Variants in ANK3 observed in about 807,000 individuals in gnomAD.
The protein encoded by ANK3 is ankyrin 3.
A neutral mutation model predicts 370.9 loss-of-function variants in ANK3; 57 were observed. The observed-to-expected ratio is 0.15, with a 90% CI of 0.12 to 0.19. The LOEUF (loss-of-function observed/expected upper bound fraction) is 0.19. Ranked by LOEUF, ANK3 falls within the 10% of genes least tolerant of loss-of-function variation. The pLI is 1.00. For missense variants in ANK3, 4,439 were observed against 5,302.1 expected, an observed-to-expected ratio of 0.84 and a Z score of 5.06; for synonymous variants, 1,929 against 1,946.3, an observed-to-expected ratio of 0.99 and a Z score of 0.23.
chr10:60,362,607 G>A (rs1036629693), intron 1 of ANK3, among the ~76,000 whole-genome samples: 1 of 152,162 alleles, frequency 6.6e-6, no homozygotes, highest in Admixed American at 6.5e-5. Flanking sequence ...CAGGGCTGTG[G>A]TTTTGCATTT....
chr10:60,169,630 G>C lies in ANK3; in HGVS notation c.2478+2678C>G, dbSNP rs529993609. 3.9e-5 allele frequency among the ~76,000 whole-genome samples: 6 copies of C among 152,040 alleles called. No homozygotes were observed. The East Asian group carries it at 7.7e-4, about 20-fold the overall frequency. The stretch of plus-strand genomic sequence containing the variant: ...TGTTCAGCCCACATGTAAGCAGTGG[G>C]GAATTATGTTCCACTTCGAGAGTGA... On this transcript the variant is annotated intron_variant, in intron 21 of 43. Transcript: ENST00000280772.
intron 2 of ANK3, among the ~76,000 whole-genome samples, chr10:60,439,845 A>T (rs1463132919): frequency 6.6e-6 from 1 of 152,172 alleles, no homozygotes; most frequent in Non-Finnish European, 1.5e-5. Context: ...CATGACTGTA[A>T]TTTTTTCCTA....
upstream of ANK3, among the ~76,000 whole-genome samples, chr10:60,390,728 G>GAA (rs1335912518): frequency 5.7e-3 from 414 of 72,934 alleles, 1 homozygote; most frequent in South Asian, 0.031. Context: ...GTAAAAAAAA[G>GAA]AACACACACA....
At chr10:60,042,582 G>A in intron 43 of ANK3, 90 bp downstream of exon 43, 2 of 1,281,736 alleles carry the variant, frequency 1.6e-6, no homozygotes, top group African/African-American at 1.5e-5. Flanking sequence ...AAAAGGAAAG[G>A]ACGGGGAAAA....
At chr10:60,317,991 A>C (rs2047827124) in intron 1 of ANK3, among the ~76,000 whole-genome samples, 1 of 150,228 alleles carries the variant, frequency 6.7e-6, no homozygotes, top group Non-Finnish European at 1.5e-5. Flanking sequence ...GAATTTTGAC[A>C]TATTCATAAG....
intron 2 of ANK3, among the ~76,000 whole-genome samples, chr10:60,496,169 G>A (rs1350045792): frequency 3.3e-5 from 5 of 152,198 alleles, no homozygotes; most frequent in Middle Eastern, 3.4e-3. Flanking sequence ...TACTACCAAG[G>A]TTCAACATGG....
At position 60,176,399 on chromosome 10, in the gene ANK3, C is replaced by A. The variant is rs537614226; in HGVS notation, c.2185-3213G>T. Among the ~76,000 whole-genome samples, 77 of 148,712 alleles carry A rather than the reference C, an allele frequency of 5.2e-4. No individual in the cohort carries two copies. In the East Asian group the frequency reaches 7.1e-3, roughly 14 times the overall value. On this transcript the variant is annotated intron_variant, in intron 18 of 43. Coordinates refer to ENST00000280772, the MANE Select transcript of ANK3 (RefSeq NM_020987.5). ...AAAAAAAAAAAGAAAGAAAAAAAAA[C>A]CAGAAAGAAAAAGAAATTGTCATTT...
At chr10:60,602,186 G>T (rs1215042502) in intron 2 of ANK3, among the ~76,000 whole-genome samples, 1 of 152,068 alleles carries the variant, frequency 6.6e-6, no homozygotes, top group Non-Finnish European at 1.5e-5. Context: ...TATTATTTAT[G>T]CAGAAGACTT....
At chr10:60,264,211 A>T (rs907199157) in intron 5 of ANK3, among the ~76,000 whole-genome samples, 191 bp from the exon 6 acceptor site, 1 of 152,222 alleles carries the variant, frequency 6.6e-6, no homozygotes, top group Non-Finnish European at 1.5e-5. Context: ...AAAGTAAAAA[A>T]TACTAAGAAA....
At chr10:60,657,377 T>C (rs553387909) in intron 1 of ANK3, among the ~76,000 whole-genome samples, 7 of 152,292 alleles carry the variant, frequency 4.6e-5, no homozygotes, top group Admixed American at 2.0e-4. Flanking sequence ...CTTGAACACC[T>C]GGCCTCAAGT....
Position 60,186,696 on chromosome 10 carries a change from C to A in ANK3, c.2085+19G>T. The A allele has an allele frequency of 6.2e-7, 1 of 1,613,180 alleles. No homozygotes were observed. Among genetic ancestry groups the A allele is most frequent in the South Asian group, 1.1e-5 (1 of 90,928 alleles). On this transcript the variant is annotated intron_variant, in intron 17 of 43. Coordinates refer to ENST00000280772, the MANE Select transcript of ANK3 (RefSeq NM_020987.5). Reference sequence around the variant, plus strand: ...GGTTTTGGTGTGCTGCATGCTTTGTCAAGAAAGAAGTGGGTTACCTTATTG... The same window carrying A: ...GGTTTTGGTGTGCTGCATGCTTTGTAAAGAAAGAAGTGGGTTACCTTATTG...
chr10:60,053,465 C>A (rs1473197179), intron 42 of ANK3, among the ~76,000 whole-genome samples: 1 of 152,132 alleles, frequency 6.6e-6, no homozygotes, highest in Non-Finnish European at 1.5e-5. Context: ...GAAAAAGTGG[C>A]CATTTGGTCA....
chr10:60,130,609 A>G (rs2094009367), intron 25 of ANK3, among the ~76,000 whole-genome samples: 1 of 152,238 alleles, frequency 6.6e-6, no homozygotes, highest in African/African-American at 2.4e-5. Flanking sequence ...TTATAAATAC[A>G]AAATTAGAGA....
intron 2 of ANK3, among the ~76,000 whole-genome samples, chr10:60,442,400 T>C (rs1189715386): frequency 1.3e-5 from 2 of 152,166 alleles, no homozygotes; most frequent in African/African-American, 4.8e-5. Context: ...TGGACAATCC[T>C]CCCATATGCT....
intron 2 of ANK3, among the ~76,000 whole-genome samples, chr10:60,455,740 C>T (rs1191661693): frequency 1.3e-5 from 2 of 152,138 alleles, no homozygotes; most frequent in Admixed American, 1.3e-4. Flanking sequence ...CATAGGCTAA[C>T]CCTATAGGAG....
intron 1 of ANK3, among the ~76,000 whole-genome samples, chr10:60,296,740 C>T (rs1300924519): frequency 6.6e-6 from 1 of 152,166 alleles, no homozygotes; most frequent in African/African-American, 2.4e-5. Flanking sequence ...AATCCCAGCA[C>T]TTTGGGAGGC....
At position 60,492,474 on chromosome 10, in the gene ANK3, G is replaced by C. The variant is rs139864148; in HGVS notation, c.96+122712C>G. On this transcript the variant is annotated intron_variant, in intron 2 of 43. Coordinates refer to the ANK3 transcript ENST00000373827. ...TGTAATCCCAGCACTTTGGGAGGCT[G>C]AGGTGGGTGGATCACGAGGTCAGGA... Among the ~76,000 whole-genome samples the C allele has an allele frequency of 6.6e-3, 999 of 152,088 alleles. 12 individuals carry two copies. The highest frequency in any genetic ancestry group is 0.023 in the African/African-American group (934 of 41,486).
chr10:60,551,515 TTA>T (rs2077087815), intron 2 of ANK3, among the ~76,000 whole-genome samples: 4 of 152,216 alleles, frequency 2.6e-5, no homozygotes, highest in Non-Finnish European at 4.4e-5. Flanking sequence ...ATTAAGTTTC[TTA>T]TTTTAGTGAT....
chr10:60,733,256 C>T, intron 1 of ANK3: 1 of 1,241,062 alleles, frequency 8.1e-7, no homozygotes, highest in Non-Finnish European at 1.0e-6. Context: ...GGCGGCGCGG[C>T]GCTCACCTGG....
Sources: allele counts gnomAD v4.1 joint callset (sites outside exome capture counted in the v4.1 genomes callset), GRCh38; gene constraint gnomAD v4.1.1; transcripts MANE v1.5; gene names NCBI Gene and HGNC (gene_info 2026-07-23, HGNC 2026-07-21).